The following FTO variants were observed in gnomAD, a reference collection of about 807,000 sequenced individuals.
FTO encodes FTO alpha-ketoglutarate dependent dioxygenase, also known as alpha-ketoglutarate-dependent dioxygenase FTO.
In FTO, 47 loss-of-function variants were observed where a neutral mutation model predicts 63.9. The ratio of observed to expected loss-of-function variants is 0.74; its 90% confidence interval spans 0.58 to 0.94. FTO has a LOEUF of 0.94. FTO is among the 40% of genes least tolerant of loss of function. The probability of loss-of-function intolerance (pLI) is 0.00; values close to 1 mark genes in which losing one functional copy is unlikely to be tolerated. For synonymous variants in FTO, 207 were observed against 224.4 expected (o/e 0.92, Z 0.69); for missense variants, 562 against 618.1 (o/e 0.91, Z 0.96).
At chr16:54,053,812 G>A (rs998582543) in intron 8 of FTO, among the ~76,000 whole-genome samples, 2 of 152,128 alleles carry the variant, frequency 1.3e-5, no homozygotes, top group Admixed American at 1.3e-4. Flanking sequence ...TACCCTCTGA[G>A]GATTGCTTTG....
chr16:53,961,803 A>T (rs2083087243), intron 8 of FTO, among the ~76,000 whole-genome samples: 1 of 152,222 alleles, frequency 6.6e-6, no homozygotes, highest in African/African-American at 2.4e-5. Flanking sequence ...AGTCTGGCTG[A>T]TTCAGTGACA....
At chr16:53,743,180 A>G (rs1335327172) in intron 1 of FTO, among the ~76,000 whole-genome samples, 1 of 152,116 alleles carries the variant, frequency 6.6e-6, no homozygotes, top group Admixed American at 6.5e-5. Context: ...CAAAAATATT[A>G]TATTTCTACA....
At chr16:53,947,976 G>T (rs1315999309) in intron 8 of FTO, among the ~76,000 whole-genome samples, 1 of 152,130 alleles carries the variant, frequency 6.6e-6, no homozygotes, top group African/African-American at 2.4e-5. Context: ...TGTTAAGAAA[G>T]TACGCCTGCA....
chr16:54,062,647 G>GA (rs1439818132), intron 8 of FTO, among the ~76,000 whole-genome samples: 4 of 152,198 alleles, frequency 2.6e-5, no homozygotes, highest in African/African-American at 9.7e-5. Context: ...TAGGACCAGA[G>GA]AAAGATGAGT....
intron 8 of FTO, among the ~76,000 whole-genome samples, chr16:54,018,410 A>ATAGATAGATAGATAGATAGATAGT (rs1390829658): frequency 8.6e-4 from 115 of 134,436 alleles, no homozygotes; most frequent in South Asian, 1.6e-3. Context: ...AGATAGATAG[A>ATAGATAGATAGATAGATAGATAGT]TACATACATA....
chr16:53,747,841 A>G (rs921760180), intron 1 of FTO, among the ~76,000 whole-genome samples: 18 of 152,088 alleles, frequency 1.2e-4, no homozygotes, highest in Non-Finnish European at 2.5e-4. Flanking sequence ...TGATTTTAGT[A>G]TATGGTGTGA....
At chr16:53,916,302 GAAGGGTACCACTATCC>G (rs1346657693) in intron 7 of FTO, among the ~76,000 whole-genome samples, 4 of 152,168 alleles carry the variant, frequency 2.6e-5, no homozygotes, top group African/African-American at 9.7e-5. Context: ...TGCTTATGAT[GAAGGGTACCACTATCC>G]GGTTCATATG....
At chr16:53,704,910 G>A (rs546846768) in intron 1 of FTO, among the ~76,000 whole-genome samples, 2 of 152,182 alleles carry the variant, frequency 1.3e-5, no homozygotes, top group African/African-American at 4.8e-5. Flanking sequence ...TAACAGCCCA[G>A]CTTCACAGAT....
At chr16:54,090,704 T>G (rs1282632039) in intron 8 of FTO, among the ~76,000 whole-genome samples, 1 of 152,170 alleles carries the variant, frequency 6.6e-6, no homozygotes, top group Non-Finnish European at 1.5e-5. Context: ...TGTAGTGAGT[T>G]AAAACAACCA....
chr16:53,977,221 G>A (rs931628445), intron 8 of FTO, among the ~76,000 whole-genome samples: 5 of 152,028 alleles, frequency 3.3e-5, no homozygotes, highest in African/African-American at 9.7e-5. Context: ...GTTTTGAGGG[G>A]AGGAGGTTAT....
At chr16:54,076,990 G>A (rs1487708132) in intron 8 of FTO, among the ~76,000 whole-genome samples, 4 of 152,032 alleles carry the variant, frequency 2.6e-5, no homozygotes, top group Admixed American at 6.6e-5. Context: ...TCAGTTAATC[G>A]GCCTATGTGA....
intron 8 of FTO, among the ~76,000 whole-genome samples, chr16:54,069,719 A>C (rs569616203): frequency 4.1e-4 from 63 of 152,288 alleles, no homozygotes; most frequent in Middle Eastern, 6.8e-3. Context: ...AAGTGAATGC[A>C]TTAGCCAGGG....
intron 1 of FTO, among the ~76,000 whole-genome samples, chr16:53,781,851 A>G (rs1297325584): frequency 6.6e-6 from 1 of 152,132 alleles, no homozygotes; most frequent in East Asian, 1.9e-4. Context: ...GAAAAAATAT[A>G]GGTTTTGGAG....
intron 3 of FTO, 151 bp downstream of exon 3, chr16:53,826,642 T>C: frequency 1.3e-6 from 1 of 741,070 alleles, no homozygotes. Context: ...TCATGTGTCC[T>C]TTTTAGTCTT....
chr16:54,059,866 C>T (rs141478050), intron 8 of FTO, among the ~76,000 whole-genome samples: 4 of 151,874 alleles, frequency 2.6e-5, no homozygotes, highest in South Asian at 2.1e-4. Context: ...GTGGACATGG[C>T]GTTTTGGACA....
chr16:53,946,350 G>T (rs1164000798), intron 8 of FTO, among the ~76,000 whole-genome samples: 1 of 152,170 alleles, frequency 6.6e-6, no homozygotes, highest in Admixed American at 6.5e-5. Context: ...TCTGAGACAG[G>T]AGTGTTTGAT....
At chr16:54,014,606 T>C (rs1289021251) in intron 8 of FTO, among the ~76,000 whole-genome samples, 1 of 152,048 alleles carries the variant, frequency 6.6e-6, no homozygotes, top group Non-Finnish European at 1.5e-5. Flanking sequence ...GCAGACAGTC[T>C]AGGACACCCC....
At chr16:53,899,938 G>A (rs996303385) in intron 7 of FTO, among the ~76,000 whole-genome samples, 1 of 152,218 alleles carries the variant, frequency 6.6e-6, no homozygotes, top group African/African-American at 2.4e-5. Flanking sequence ...GGTAAAGTCG[G>A]AAGATTGAAG....
chr16:53,950,262 G>A (rs1290567174), intron 8 of FTO, among the ~76,000 whole-genome samples: 13 of 150,166 alleles, frequency 8.7e-5, no homozygotes, highest in Admixed American at 4.8e-4. Flanking sequence ...GTAGGAAGTC[G>A]TCTTAATAAA....
Sources: allele counts gnomAD v4.1 joint callset (sites outside exome capture counted in the v4.1 genomes callset), GRCh38; gene constraint gnomAD v4.1.1; transcripts MANE v1.5; gene names NCBI Gene and HGNC (gene_info 2026-07-23, HGNC 2026-07-21).